Variants in ANO3 observed in about 807,000 individuals in gnomAD.
ANO3 encodes anoctamin 3, also known as anoctamin-3.
Under a neutral mutation model 144.8 loss-of-function variants are expected in ANO3, and 99 were observed. The observed-to-expected ratio is 0.68, with a 90% CI of 0.58 to 0.81. The LOEUF is 0.81. Among genes scored for constraint, ANO3 ranks in the 30% least tolerant of loss-of-function variants. The pLI is 0.00. For missense variants in ANO3, 905 were observed against 1,202.2 expected (o/e 0.75, Z 3.66); for synonymous variants, 414 against 392.6 (o/e 1.05, Z -0.64).
chr11:26,449,628 G>C (rs1015846660), intron 3 of ANO3, among the ~76,000 whole-genome samples: 6 of 151,818 alleles, frequency 4.0e-5, no homozygotes, highest in African/African-American at 1.2e-4. Context: ...TTAGTGCTTT[G>C]TTAATTTTCT....
At chr11:26,277,013 T>G (rs1246226494) in intron 1 of ANO3, among the ~76,000 whole-genome samples, 3 of 152,104 alleles carry the variant, frequency 2.0e-5, no homozygotes, top group African/African-American at 7.2e-5. Flanking sequence ...CGCGGTAAGC[T>G]TGCCCTCTAG....
At chr11:26,613,931 C>A (rs565189364) in intron 17 of ANO3, among the ~76,000 whole-genome samples, 1 of 152,298 alleles carries the variant, frequency 6.6e-6, no homozygotes, top group Admixed American at 6.5e-5. Context: ...GGCTGGCTGT[C>A]AGAAGCCAAG....
intron 1 of ANO3, among the ~76,000 whole-genome samples, chr11:26,274,082 A>C (rs1417379973): frequency 6.6e-6 from 1 of 152,172 alleles, no homozygotes; most frequent in Non-Finnish European, 1.5e-5. Flanking sequence ...AATTGAAAAG[A>C]GGCAGAGAGT....
rs373339604 is a variant in ANO3, at chr11:26,509,890, T to G, written c.591+1628T>G. Among the ~76,000 whole-genome samples the G allele has an allele frequency of 1.8e-4, 28 of 152,102 alleles. No homozygotes were observed. The East Asian group carries it at 3.5e-3, about 19-fold the overall frequency. ...CTGGCGCCATGGCTCACGCTTATAA[T>G]CCCAGCACTTTGGGAGGCCAAGGAG... On this transcript the variant is annotated intron_variant, in intron 5 of 26. Transcript: ENST00000256737.
chr11:26,544,251 CATATATAT>C lies in ANO3; in HGVS notation c.1154+2199_1154+2206del, dbSNP rs1554967685. Among the ~76,000 whole-genome samples the C allele has an allele frequency of 2.6e-4, 10 of 38,480 alleles. No individual in the cohort carries two copies. The South Asian group carries it at 0.013, about 49-fold the overall frequency. 25.2% of individuals were successfully genotyped at this position (38,480 alleles called of 152,430 possible). A position where few individuals can be genotyped will look rare whatever the true frequency, so the allele number is the denominator to read the frequency against. On this transcript the variant is annotated intron_variant, in intron 11 of 26. Coordinates refer to ENST00000256737, the MANE Select transcript of ANO3 (RefSeq NM_031418.4). Reference sequence around the variant, plus strand: ...TAAGGTTAAGTAGTATTTCATTATACATATATATATATATATATATATACACACATACA... The same window carrying C: ...TAAGGTTAAGTAGTATTTCATTATACATATATATATATATACACACATACA...
rs201069018 is a variant in ANO3, at chr11:26,438,646, C to T, written c.47-3272C>T. Among the ~76,000 whole-genome samples, 43 of 144,650 alleles carry T rather than the reference C, an allele frequency of 3.0e-4. No individual in the cohort carries two copies. The East Asian group carries it at 6.8e-3, about 23-fold the overall frequency. The allele number at this position is 144,650 out of a possible 152,430, so 94.9% of individuals were successfully genotyped here. On this transcript the variant is annotated intron_variant, in intron 1 of 26. Coordinates refer to ENST00000256737, the MANE Select transcript of ANO3 (RefSeq NM_031418.4). ...AAAAGAAAATAGCCAGGCATGGTGGCGGGCACCTGCAATCCCAGCTACTCG... is the reference window on the plus strand; with the variant it reads ...AAAAGAAAATAGCCAGGCATGGTGGTGGGCACCTGCAATCCCAGCTACTCG...
chr11:26,656,413 C>G lies in ANO3; in HGVS notation c.2695C>G (p.Pro899Ala), dbSNP rs1277505689. 2 of 1,611,690 alleles carry G rather than the reference C, an allele frequency of 1.2e-6. No homozygotes were observed. Among genetic ancestry groups the G allele is most frequent in the Admixed American group, 3.3e-5 (2 of 59,964 alleles). Residue 899 changes from proline to alanine, a missense_variant, in exon 26 of 27, where the codon CCC (proline) becomes GCC (alanine). Coordinates refer to ENST00000256737, the MANE Select transcript of ANO3 (RefSeq NM_031418.4). ...CAGAGGCCCGCCCTGGAGTTCCAAA[C>G]CCTATGAGTTTACTTTACAATACTG... Reference protein sequence around the residue: ...DYRGPPWSSKPYEFTLQYWHI... With the variant: ...DYRGPPWSSKAYEFTLQYWHI...
chr11:26,507,565 A>G (rs911564728), intron 4 of ANO3, among the ~76,000 whole-genome samples: 2 of 152,216 alleles, frequency 1.3e-5, no homozygotes, highest in Non-Finnish European at 2.9e-5. Flanking sequence ...CATTTAGGAA[A>G]ATAATGCCTG....
chr11:26,554,724 G>A (rs1850035814), intron 13 of ANO3, among the ~76,000 whole-genome samples: 1 of 152,084 alleles, frequency 6.6e-6, no homozygotes, highest in Non-Finnish European at 1.5e-5. Context: ...TTCCTTGACA[G>A]ATGGTTTCCT....
chr11:26,426,573 C>T (rs1022511904), intron 1 of ANO3, among the ~76,000 whole-genome samples: 1 of 152,198 alleles, frequency 6.6e-6, no homozygotes, highest in East Asian at 1.9e-4. Context: ...TATCCACTGA[C>T]AGGCAAATGA....
chr11:26,510,786 A>C (rs998075435), intron 5 of ANO3, among the ~76,000 whole-genome samples: 1 of 152,188 alleles, frequency 6.6e-6, no homozygotes, highest in Non-Finnish European at 1.5e-5. Context: ...GAAAGCTCAG[A>C]TTCTCAGTTC....
chr11:26,398,690 C>G (rs1263080189), intron 1 of ANO3, among the ~76,000 whole-genome samples: 2 of 152,032 alleles, frequency 1.3e-5, no homozygotes, highest in African/African-American at 4.8e-5. Context: ...GTAAGCAGTA[C>G]TTTCACTGAC....
chr11:26,314,474 G>C (rs1296047207), intron 1 of ANO3, among the ~76,000 whole-genome samples: 3 of 152,086 alleles, frequency 2.0e-5, no homozygotes, highest in Admixed American at 1.3e-4. Context: ...ATTGTAAATG[G>C]GGTAATATAC....
chr11:26,619,664 AC>A (rs1438051647), intron 17 of ANO3, among the ~76,000 whole-genome samples: 2 of 151,956 alleles, frequency 1.3e-5, no homozygotes, highest in African/African-American at 4.8e-5. Context: ...ATAGGGTTTC[AC>A]CATGTTGGCC....
intron 3 of ANO3, among the ~76,000 whole-genome samples, chr11:26,454,348 A>T (rs541942235): frequency 6.6e-6 from 1 of 152,122 alleles, no homozygotes; most frequent in Admixed American, 6.5e-5. Flanking sequence ...ATAAAGAAGA[A>T]AAGAGAGAAG....
At chr11:26,202,781 C>A (rs1590191068) in intron 1 of ANO3, among the ~76,000 whole-genome samples, 1 of 152,038 alleles carries the variant, frequency 6.6e-6, no homozygotes, top group African/African-American at 2.4e-5. Context: ...AATAGTCAAT[C>A]ATTCCTCTGG....
At chr11:26,353,687 GC>G (rs1040863395) in intron 1 of ANO3, among the ~76,000 whole-genome samples, 2 of 152,148 alleles carry the variant, frequency 1.3e-5, no homozygotes, top group African/African-American at 4.8e-5. Flanking sequence ...TCCTGCCTCA[GC>G]CCCCCGAGTA....
chr11:26,485,199 C>T (rs1860394955), intron 4 of ANO3, among the ~76,000 whole-genome samples: 1 of 152,054 alleles, frequency 6.6e-6, no homozygotes, highest in African/African-American at 2.4e-5. Flanking sequence ...TTGGTAGGGG[C>T]CAGGGGCAGA....
chr11:26,630,208 A>G lies in ANO3; in HGVS notation c.1874-3996A>G, dbSNP rs1852731580. ...GAATGGCCCACAAATAAATGTGTTGAATATAAGATTTAGAGGTATGTGGTT... is the reference window on the plus strand; with the variant it reads ...GAATGGCCCACAAATAAATGTGTTGGATATAAGATTTAGAGGTATGTGGTT... On this transcript the variant is annotated intron_variant, in intron 18 of 26. Coordinates refer to ENST00000256737, the MANE Select transcript of ANO3 (RefSeq NM_031418.4). 2.6e-5 allele frequency among the ~76,000 whole-genome samples: 4 copies of G among 152,216 alleles called. 1 individual carries two copies. The highest frequency in any genetic ancestry group is 2.6e-4 in the Admixed American group (4 of 15,284).
Sources: gnomAD v4.1 joint callset for allele counts (sites outside exome capture counted in the v4.1 genomes callset) on GRCh38, gnomAD v4.1.1 for gene constraint, MANE v1.5 for transcripts, NCBI Gene and HGNC (gene_info 2026-07-23, HGNC 2026-07-21) for gene names.